The following SYNDIG1 variants were observed in gnomAD, a reference collection of about 807,000 sequenced individuals.
SYNDIG1 encodes synapse differentiation-inducing gene protein 1.
In SYNDIG1, 9 loss-of-function variants were observed where a neutral mutation model predicts 19.4. That is an observed-to-expected ratio of 0.46 (90% CI 0.28 to 0.81). The LOEUF is 0.81. Among genes scored for constraint, SYNDIG1 ranks in the 30% least tolerant of loss-of-function variants. The pLI, the probability that SYNDIG1 is intolerant of heterozygous loss-of-function variation, is 0.12. For synonymous variants in SYNDIG1, 141 were observed against 145.9 expected, an observed-to-expected ratio of 0.97 and a Z score of 0.24; for missense variants, 311 against 343.3, an observed-to-expected ratio of 0.91 and a Z score of 0.74.
intron 2 of SYNDIG1, among the ~76,000 whole-genome samples, chr20:24,571,898 A>AAG (rs2058150858): frequency 6.6e-6 from 1 of 152,210 alleles, no homozygotes; most frequent in African/African-American, 2.4e-5. Flanking sequence ...CTCCTTCTTC[A>AAG]AGAGAGGACC....
rs1029304809 is a variant in SYNDIG1, at chr20:24,659,925, G to GT, written c.619-5413dup. On this transcript the variant is annotated intron_variant, in intron 3 of 3. Coordinates refer to ENST00000376862, the MANE Select transcript of SYNDIG1 (RefSeq NM_024893.3). ...TAGAATTCATTTCTAAAGTAAGGTA[G>GT]TTTTTTTTCAACTATGCTTTCTTCC... 7.2e-5 allele frequency among the ~76,000 whole-genome samples: 11 copies of GT among 152,120 alleles called. No individual in the cohort carries two copies. In the South Asian group the frequency reaches 1.9e-3, roughly 26 times the overall value.
chr20:24,525,145 G>T (rs577466829), intron 1 of SYNDIG1, among the ~76,000 whole-genome samples: 2 of 152,054 alleles, frequency 1.3e-5, no homozygotes, highest in East Asian at 3.9e-4. Context: ...TGATCAAATG[G>T]TTATTAAGAA....
chr20:24,624,739 T>A (rs1377710359), intron 3 of SYNDIG1, among the ~76,000 whole-genome samples: 1 of 152,160 alleles, frequency 6.6e-6, no homozygotes, highest in Non-Finnish European at 1.5e-5. Context: ...AACAACAGCA[T>A]AATATACATT....
At chr20:24,662,699 G>A (rs1208640104) in intron 3 of SYNDIG1, among the ~76,000 whole-genome samples, 1 of 152,248 alleles carries the variant, frequency 6.6e-6, no homozygotes, top group Non-Finnish European at 1.5e-5. Context: ...ACTGCTTGGG[G>A]CTTCGCCAGT....
At chr20:24,640,645 A>C (rs1343017293) in intron 3 of SYNDIG1, among the ~76,000 whole-genome samples, 1 of 152,144 alleles carries the variant, frequency 6.6e-6, no homozygotes, top group East Asian at 1.9e-4. Context: ...TTTTCTATGA[A>C]ATTGACTGGA....
chr20:24,473,746 C>T (rs2055538003), intron 1 of SYNDIG1, among the ~76,000 whole-genome samples: 1 of 152,162 alleles, frequency 6.6e-6, no homozygotes, highest in Non-Finnish European at 1.5e-5. Context: ...TTTGTTTTCT[C>T]AGAATGCCAT....
intron 2 of SYNDIG1, among the ~76,000 whole-genome samples, chr20:24,549,050 G>C (rs1444123378): frequency 6.6e-6 from 1 of 152,014 alleles, no homozygotes; most frequent in Admixed American, 6.6e-5. Flanking sequence ...CTCAAACTTT[G>C]ATCATTGCTT....
rs2058783098 is a variant in SYNDIG1 at position 24,607,927 on chromosome 20, T to TA, written c.618+22938dup. Among the ~76,000 whole-genome samples the TA allele has an allele frequency of 7.9e-5, 12 of 152,346 alleles. No individual in the cohort carries two copies. In the South Asian group the frequency reaches 2.3e-3, roughly 29 times the overall value. ...TCCTGCAATTTACTTCAAGTATATT[T>TA]AAAATACAGGTTTATACAGAAATCT... On this transcript the variant is annotated intron_variant, in intron 3 of 3. Coordinates refer to ENST00000376862, the MANE Select transcript of SYNDIG1 (RefSeq NM_024893.3).
chr20:24,491,942 T>TA (rs1387882882), intron 1 of SYNDIG1, among the ~76,000 whole-genome samples: 6 of 151,820 alleles, frequency 4.0e-5, no homozygotes, highest in Admixed American at 3.9e-4. Flanking sequence ...ACAAAAACCA[T>TA]AAAAAATACA....
At chr20:24,489,177 C>T (rs1226414218) in intron 1 of SYNDIG1, among the ~76,000 whole-genome samples, 3 of 152,160 alleles carry the variant, frequency 2.0e-5, no homozygotes, top group Non-Finnish European at 2.9e-5. Flanking sequence ...CACACACATA[C>T]ACATGCACAC....
chr20:24,602,426 G>T (rs1178979049), intron 3 of SYNDIG1, among the ~76,000 whole-genome samples: 1 of 152,186 alleles, frequency 6.6e-6, no homozygotes, highest in Admixed American at 6.5e-5. Flanking sequence ...CTCATGAGGG[G>T]CTGGTGTACT....
At chr20:24,587,574 G>T (rs1255389818) in intron 3 of SYNDIG1, among the ~76,000 whole-genome samples, 1 of 152,278 alleles carries the variant, frequency 6.6e-6, no homozygotes, top group Admixed American at 6.5e-5. Context: ...CAAGGAGAGA[G>T]TGTGGCACAG....
At chr20:24,488,368 C>T (rs1357440287) in intron 1 of SYNDIG1, among the ~76,000 whole-genome samples, 3 of 152,218 alleles carry the variant, frequency 2.0e-5, no homozygotes, top group Non-Finnish European at 4.4e-5. Context: ...CAAAGTGCTT[C>T]GCCCAGTGCC....
intron 2 of SYNDIG1, among the ~76,000 whole-genome samples, chr20:24,550,279 A>G (rs1442510417): frequency 6.6e-6 from 1 of 152,208 alleles, no homozygotes; most frequent in Non-Finnish European, 1.5e-5. Flanking sequence ...TGCGAATAGC[A>G]CTGCAACAAA....
chr20:24,487,072 G>A (rs1414170185), intron 1 of SYNDIG1, among the ~76,000 whole-genome samples: 1 of 151,948 alleles, frequency 6.6e-6, no homozygotes, highest in Non-Finnish European at 1.5e-5. Flanking sequence ...CGGTGGATGT[G>A]GGGTGGGGGG....
At chr20:24,478,349 T>G (rs544814619) in intron 1 of SYNDIG1, among the ~76,000 whole-genome samples, 1 of 152,176 alleles carries the variant, frequency 6.6e-6, no homozygotes, top group Non-Finnish European at 1.5e-5. Flanking sequence ...TGGCTGTTAT[T>G]CTGTGTGACT....
chr20:24,585,071 G>A (rs1266685322), intron 3 of SYNDIG1, 78 bp downstream of exon 3: 16 of 1,536,828 alleles, frequency 1.0e-5, no homozygotes, highest in Middle Eastern at 2.1e-4. Flanking sequence ...CCCAGCCGAG[G>A]AGGAGAAGCA....
rs1568614954 is a variant in SYNDIG1 at position 24,530,039 on chromosome 20, A to AATGGAGATGGTGGTC, written c.-78-12977_-78-12976insAGATGGTGGTCATGG. On this transcript the variant is annotated intron_variant, in intron 1 of 3. Transcript: ENST00000376862. Reference sequence around the variant, plus strand: ...TGGTGATGGTCGTGGTGATGGTGGTAATGGTGAGGGTGGTGGAGTTGGTAA... The same window carrying AATGGAGATGGTGGTC: ...TGGTGATGGTCGTGGTGATGGTGGTAATGGAGATGGTGGTCATGGTGAGGGTGGTGGAGTTGGTAA... Among the ~76,000 whole-genome samples, 15 of 7,184 alleles carry AATGGAGATGGTGGTC rather than the reference A, an allele frequency of 2.1e-3. 1 individual carries two copies. The highest frequency in any genetic ancestry group is 5.0e-3 in the African/African-American group (7 of 1,392). 4.7% of individuals were successfully genotyped at this position (7,184 alleles called of 152,430 possible).
intron 3 of SYNDIG1, among the ~76,000 whole-genome samples, chr20:24,651,599 C>T (rs372690516): frequency 4.1e-4 from 62 of 152,334 alleles, no homozygotes; most frequent in African/African-American, 1.4e-3. Context: ...GAGCTAAGGA[C>T]GCTTCCTCTC....
Sources: allele counts gnomAD v4.1 joint callset (sites outside exome capture counted in the v4.1 genomes callset), GRCh38; gene constraint gnomAD v4.1.1; transcripts MANE v1.5; gene names NCBI Gene and HGNC (gene_info 2026-07-23, HGNC 2026-07-21).